DPH6: variants seen among roughly 807,000 people sequenced by gnomAD.
DPH6 encodes the protein diphthine--ammonia ligase.
A neutral mutation model predicts 38.2 loss-of-function variants in DPH6; 33 were observed. The observed-to-expected ratio is 0.86, with a 90% CI of 0.65 to 1.15. The LOEUF (loss-of-function observed/expected upper bound fraction) is 1.15, where lower values mean the gene tolerates loss of function less well. Ranked by LOEUF, DPH6 falls within the 50% of genes most tolerant of loss-of-function variation. The probability of loss-of-function intolerance (pLI) is 0.00; values close to 1 mark genes in which losing one functional copy is unlikely to be tolerated. For synonymous variants in DPH6, 108 were observed against 103.0 expected (o/e 1.05, Z -0.30); for missense variants, 325 against 320.0 (o/e 1.02, Z -0.12).
At chr15:35,453,745 T>C (rs981196027) in intron 4 of DPH6, among the ~76,000 whole-genome samples, 1 of 151,872 alleles carries the variant, frequency 6.6e-6, no homozygotes, top group Non-Finnish European at 1.5e-5. Context: ...AATTCTGTAT[T>C]TTTTTTAACT....
intron 3 of DPH6, among the ~76,000 whole-genome samples, chr15:35,273,856 C>T (rs1344522097): frequency 3.3e-5 from 5 of 152,128 alleles, no homozygotes; most frequent in Admixed American, 1.3e-4. Flanking sequence ...TTCAGTGCTA[C>T]TCCCATCAAG....
the DPH6 span, among the ~76,000 whole-genome samples, chr15:35,174,000 C>T: frequency 1.3e-5 from 2 of 152,132 alleles, no homozygotes; most frequent in South Asian, 4.1e-4. Context: ...TGAACAGAAC[C>T]ATGAAAATCC....
At chr15:35,468,577 A>T (rs2054157051) in intron 3 of DPH6, among the ~76,000 whole-genome samples, 1 of 152,176 alleles carries the variant, frequency 6.6e-6, no homozygotes, top group Non-Finnish European at 1.5e-5. Flanking sequence ...GGTGGGGGTC[A>T]AGACTAAGGA....
At chr15:35,389,241 G>A (rs1015357290) in intron 6 of DPH6, among the ~76,000 whole-genome samples, 160 of 152,240 alleles carry the variant, frequency 1.1e-3, no homozygotes, top group Non-Finnish European at 1.8e-3. Context: ...TACATTTGCT[G>A]AGGAGTGCTT....
chr15:35,146,351 T>C, the DPH6 span, among the ~76,000 whole-genome samples: 1 of 152,154 alleles, frequency 6.6e-6, no homozygotes, highest in Non-Finnish European at 1.5e-5. Context: ...TCAAGACTAT[T>C]TCTTTGCTGA....
At chr15:35,274,538 C>G (rs961760752) in intron 3 of DPH6, among the ~76,000 whole-genome samples, 4 of 151,174 alleles carry the variant, frequency 2.6e-5, no homozygotes, top group Admixed American at 1.3e-4. Context: ...GGAACTTAAA[C>G]AAATTTACAA....
intron 3 of DPH6, chr15:35,521,360 C>T (rs2054920528): frequency 9.7e-7 from 1 of 1,026,562 alleles, no homozygotes. Context: ...ATCCTATGAA[C>T]CAACTTTATA....
At chr15:35,145,594 G>A in the DPH6 span, among the ~76,000 whole-genome samples, 2 of 152,144 alleles carry the variant, frequency 1.3e-5, no homozygotes, top group African/African-American at 4.8e-5. Flanking sequence ...CCCTGTTCCT[G>A]TCTATGAGGG....
At chr15:35,328,914 G>A (rs1349279322), downstream of DPH6, among the ~76,000 whole-genome samples, 1 of 152,166 alleles carries the variant, frequency 6.6e-6, no homozygotes, top group Non-Finnish European at 1.5e-5. Context: ...TACATGGATG[G>A]CAGCAGGCAG....
chr15:35,412,465 T>G (rs1285428725), intron 5 of DPH6, among the ~76,000 whole-genome samples: 1 of 151,684 alleles, frequency 6.6e-6, no homozygotes, highest in Non-Finnish European at 1.5e-5. Flanking sequence ...ACGATCCAAC[T>G]GTGGTGTTCC....
chr15:35,169,151 C>G, the DPH6 span, among the ~76,000 whole-genome samples: 1 of 151,928 alleles, frequency 6.6e-6, no homozygotes, highest in Admixed American at 6.6e-5. Context: ...CTTCCATAAC[C>G]ATCTTTTATA....
At chr15:35,458,208 C>T (rs1053636689) in intron 3 of DPH6, among the ~76,000 whole-genome samples, 1 of 151,880 alleles carries the variant, frequency 6.6e-6, no homozygotes, top group Admixed American at 6.6e-5. Flanking sequence ...GATGTGAATC[C>T]GTGGATACAG....
intron 3 of DPH6, among the ~76,000 whole-genome samples, chr15:35,274,892 GTATATACCCAAAGAACTA>G (rs1178140236): frequency 6.6e-6 from 1 of 152,002 alleles, no homozygotes; most frequent in East Asian, 1.9e-4. Context: ...CCATTATTGG[GTATATACCCAAAGAACTA>G]TAAATCATTC....
chr15:35,494,567 C>G (rs1485838491), intron 3 of DPH6, among the ~76,000 whole-genome samples: 1 of 151,910 alleles, frequency 6.6e-6, no homozygotes, highest in Non-Finnish European at 1.5e-5. Flanking sequence ...TGAAATTCAC[C>G]CTTCAAAGTA....
At chr15:35,171,698 T>C in the DPH6 span, among the ~76,000 whole-genome samples, 5 of 151,956 alleles carry the variant, frequency 3.3e-5, no homozygotes, top group Non-Finnish European at 1.5e-5. Flanking sequence ...GGAACAGAAG[T>C]GCTGCAGACG....
chr15:35,372,702 C>A (rs2052729138), intron 8 of DPH6, among the ~76,000 whole-genome samples: 1 of 151,870 alleles, frequency 6.6e-6, no homozygotes, highest in African/African-American at 2.4e-5. Flanking sequence ...GAAACCCTCT[C>A]ATCTTGAGAT....
chr15:35,286,139 G>A (rs2051942358), intron 3 of DPH6, among the ~76,000 whole-genome samples: 1 of 151,976 alleles, frequency 6.6e-6, no homozygotes, highest in Non-Finnish European at 1.5e-5. Flanking sequence ...ATAAATATTT[G>A]AGTTTCATCA....
chr15:35,507,588 A>G (rs2054711508), intron 3 of DPH6, among the ~76,000 whole-genome samples: 1 of 152,272 alleles, frequency 6.6e-6, no homozygotes, highest in Non-Finnish European at 1.5e-5. Context: ...TTAAAATTTC[A>G]AAGTAAAAAG....
At chr15:35,412,790 T>C (rs777071652) in intron 5 of DPH6, among the ~76,000 whole-genome samples, 10 of 151,564 alleles carry the variant, frequency 6.6e-5, no homozygotes, top group Non-Finnish European at 1.3e-4. Flanking sequence ...ACTATGAAGA[T>C]AGTAGAAAGG....
Sources: allele counts gnomAD v4.1 joint callset (sites outside exome capture counted in the v4.1 genomes callset), GRCh38; gene constraint gnomAD v4.1.1; transcripts MANE v1.5; gene names NCBI Gene and HGNC (gene_info 2026-07-23, HGNC 2026-07-21).